The following RB1 variants were observed in gnomAD, a reference collection of about 807,000 sequenced individuals.
The protein encoded by RB1 is RB transcriptional corepressor 1.
In RB1, 18 loss-of-function variants were observed where a neutral mutation model predicts 135.4. The observed-to-expected ratio is 0.13, with a 90% CI of 0.09 to 0.20. The LOEUF is 0.20. Among genes scored for constraint, RB1 ranks in the 10% least tolerant of loss-of-function variants. The pLI is 1.00. For missense variants in RB1, 868 were observed against 1,110.0 expected (o/e 0.78, Z 3.10); for synonymous variants, 365 against 373.2 (o/e 0.98, Z 0.25).
chr13:48,382,835 A>G (rs1008517593), intron 17 of RB1, among the ~76,000 whole-genome samples: 19 of 152,138 alleles, frequency 1.2e-4, no homozygotes, highest in Admixed American at 2.6e-4. Flanking sequence ...TAGGTCTAAC[A>G]TTTAAGTCTT....
intron 17 of RB1, chr13:48,439,801 G>T (rs377541609): frequency 2.6e-5 from 4 of 152,078 alleles, no homozygotes; most frequent in South Asian, 4.2e-4. Context: ...TTGAAAGAAG[G>T]CCTTTTTGAA....
At chr13:48,449,148 A>C (rs1250784703) in intron 17 of RB1, among the ~76,000 whole-genome samples, 2 of 151,668 alleles carry the variant, frequency 1.3e-5, no homozygotes, top group Admixed American at 1.3e-4. Flanking sequence ...CTCCCTGCAT[A>C]GTTTCTGCAT....
intron 6 of RB1, among the ~76,000 whole-genome samples, chr13:48,358,579 A>T (rs1040457254): frequency 6.6e-6 from 1 of 152,132 alleles, no homozygotes; most frequent in Non-Finnish European, 1.5e-5. Context: ...TGGCAGTTTT[A>T]TCTTTTTTCT....
At chr13:48,317,723 T>C in intron 2 of RB1, 4 of 517,652 alleles carry the variant, frequency 7.7e-6, no homozygotes, top group Non-Finnish European at 9.0e-6. Flanking sequence ...AGCCCCTTCC[T>C]GCCCTGGCTG....
chr13:48,366,392 G>T (rs912223491), intron 9 of RB1, among the ~76,000 whole-genome samples: 1 of 152,162 alleles, frequency 6.6e-6, no homozygotes, highest in Non-Finnish European at 1.5e-5. Flanking sequence ...CATAAGCATG[G>T]ATTACTGTTC....
chr13:48,381,507 G>A (rs1948536152), intron 17 of RB1, 64 bp downstream of exon 17: 1 of 1,459,956 alleles, frequency 6.8e-7, no homozygotes, highest in Admixed American at 1.7e-5. Context: ...TATTGTTAGT[G>A]AGAGGTGTTT....
At chr13:48,344,798 A>G (rs1469800991) in intron 3 of RB1, among the ~76,000 whole-genome samples, 1 of 152,152 alleles carries the variant, frequency 6.6e-6, no homozygotes, top group East Asian at 1.9e-4. Context: ...ATGTTTTTTA[A>G]AACACATAGA....
At chr13:48,331,897 A>G (rs1952340156) in intron 2 of RB1, among the ~76,000 whole-genome samples, 1 of 152,198 alleles carries the variant, frequency 6.6e-6, no homozygotes, top group Admixed American at 6.5e-5. Flanking sequence ...GTTTTAAACT[A>G]ATGATTGGTT....
chr13:48,313,515 GGTTTTTTTTT>G (rs1475601439), intron 2 of RB1, among the ~76,000 whole-genome samples: 2 of 149,280 alleles, frequency 1.3e-5, no homozygotes, highest in African/African-American at 2.5e-5. Flanking sequence ...GTCAGTCTTG[GGTTTTTTTTT>G]GTTTTTTTTT....
intron 17 of RB1, chr13:48,422,584 G>C (rs1050605751): frequency 1.6e-4 from 25 of 151,974 alleles, no homozygotes; most frequent in Admixed American, 1.4e-3. Context: ...AGACTGATTT[G>C]AAATATAGTG....
chr13:48,374,482 G>T (rs1304844213), intron 12 of RB1, among the ~76,000 whole-genome samples: 1 of 152,112 alleles, frequency 6.6e-6, no homozygotes, highest in Non-Finnish European at 1.5e-5. Flanking sequence ...ATAATCTGTT[G>T]TCATCTCTTG....
intron 7 of RB1, 86 bp downstream of exon 7, chr13:48,360,213 G>T: frequency 1.3e-6 from 2 of 1,582,228 alleles, no homozygotes; most frequent in Non-Finnish European, 1.7e-6. Flanking sequence ...TGGTTCTAAG[G>T]CTGACAGGAT....
chr13:48,379,494 T>C lies in RB1; in HGVS notation c.1333-100T>C. 3 of 1,466,216 alleles carry C rather than the reference T, an allele frequency of 2.0e-6. No individual in the cohort carries two copies. In the South Asian group the frequency reaches 3.8e-5, roughly 18 times the overall value. 90.8% of individuals were successfully genotyped at this position (1,466,216 alleles called of 1,614,324 possible). ...GAGCCCAGGAGTGTGAAGGCCAGCC[T>C]GGGCAAAACAGTGAGACTCCATCTC... On this transcript the variant is annotated intron_variant, in intron 13 of 26. Coordinates refer to ENST00000267163, the MANE Select transcript of RB1 (RefSeq NM_000321.3).
intron 2 of RB1, among the ~76,000 whole-genome samples, chr13:48,341,972 A>C (rs1198341544): frequency 6.6e-6 from 1 of 151,990 alleles, no homozygotes; most frequent in Non-Finnish European, 1.5e-5. Flanking sequence ...AAAGATAATG[A>C]AAAAGTACTC....
intron 17 of RB1, among the ~76,000 whole-genome samples, chr13:48,396,724 G>T (rs200290519): frequency 6.6e-6 from 1 of 152,152 alleles, no homozygotes; most frequent in Non-Finnish European, 1.5e-5. Context: ...TACAGAATGG[G>T]AGAAAATTTT....
chr13:48,437,572 A>G (rs746464903), intron 17 of RB1, among the ~76,000 whole-genome samples: 3 of 152,108 alleles, frequency 2.0e-5, no homozygotes. Context: ...TGGAGAGTCT[A>G]CTTCCAAGTT....
intron 3 of RB1, among the ~76,000 whole-genome samples, chr13:48,344,304 T>C (rs1268564831): frequency 6.6e-6 from 1 of 152,208 alleles, no homozygotes; most frequent in Non-Finnish European, 1.5e-5. Flanking sequence ...AAATAAAGTA[T>C]GCATTTTGGT....
chr13:48,318,831 G>A (rs934908304), intron 2 of RB1: 2 of 987,426 alleles, frequency 2.0e-6, no homozygotes, highest in African/African-American at 1.6e-5. Context: ...CTCACCTCTG[G>A]CCAGCAAACT....
At chr13:48,440,948 GA>G (rs1277138549) in intron 17 of RB1, among the ~76,000 whole-genome samples, 3 of 152,008 alleles carry the variant, frequency 2.0e-5, no homozygotes, top group African/African-American at 7.2e-5. Context: ...ATGTAGGGAA[GA>G]AAAAAAGAAT....
Sources: allele counts gnomAD v4.1 joint callset (sites outside exome capture counted in the v4.1 genomes callset), GRCh38; gene constraint gnomAD v4.1.1; transcripts MANE v1.5; gene names NCBI Gene and HGNC (gene_info 2026-07-23, HGNC 2026-07-21).